SORCS1: variants seen among roughly 807,000 people sequenced by gnomAD.
SORCS1 encodes the protein sortilin related VPS10 domain containing receptor 1.
In SORCS1, 60 loss-of-function variants were observed where a neutral mutation model predicts 146.1. The observed-to-expected ratio is 0.41, with a 90% confidence interval of 0.33 to 0.51. The LOEUF (loss-of-function observed/expected upper bound fraction) is 0.51. SORCS1 is among the 20% of genes least tolerant of loss of function. The probability of loss-of-function intolerance (pLI) is 0.21; values close to 1 mark genes in which losing one functional copy is unlikely to be tolerated. For synonymous variants in SORCS1, 637 were observed against 584.0 expected, an observed-to-expected ratio of 1.09 and a Z score of -1.31; for missense variants, 1,352 against 1,487.6, an observed-to-expected ratio of 0.91 and a Z score of 1.50.
Position 106,976,069 on chromosome 10 carries a change from C to G in SORCS1, c.559-19489G>C, listed in dbSNP as rs184126979. 4.3e-3 allele frequency among the ~76,000 whole-genome samples: 656 copies of G among 150,818 alleles called. 6 individuals are homozygous for G. The highest frequency in any genetic ancestry group is 0.015 in the African/African-American group (630 of 41,058). ...GCTGAGGCAGAAGAATTGCTTGAAC[C>G]CGGGAGGCAGAGGTTTCAGTGAGCC... is the stretch of plus-strand genomic sequence containing the variant. On this transcript the variant is annotated intron_variant, in intron 1 of 25. Transcript: ENST00000263054.
intron 24 of SORCS1, among the ~76,000 whole-genome samples, chr10:106,590,943 G>A (rs1845566975): frequency 6.6e-6 from 1 of 152,164 alleles, no homozygotes; most frequent in South Asian, 2.1e-4. Flanking sequence ...GCATGAGCCA[G>A]TGCACCCAGC....
chr10:107,168,528 T>C (rs1970098370), upstream of SORCS1, among the ~76,000 whole-genome samples: 1 of 152,214 alleles, frequency 6.6e-6, no homozygotes, highest in Non-Finnish European at 1.5e-5. Context: ...AAGTGCTCAA[T>C]AAATAATGGC....
chr10:106,815,807 A>C (rs769209750), intron 3 of SORCS1, among the ~76,000 whole-genome samples: 4 of 152,170 alleles, frequency 2.6e-5, no homozygotes, highest in Non-Finnish European at 4.4e-5. Flanking sequence ...CAGATCAAAT[A>C]ATTAATTGCA....
chr10:107,099,613 G>T (rs909742697), intron 1 of SORCS1, among the ~76,000 whole-genome samples: 2 of 152,114 alleles, frequency 1.3e-5, no homozygotes, highest in Non-Finnish European at 2.9e-5. Flanking sequence ...AACAAAGCAG[G>T]TATTCCATCA....
intron 3 of SORCS1, among the ~76,000 whole-genome samples, chr10:106,797,275 A>G (rs957900543): frequency 2.6e-5 from 4 of 152,184 alleles, no homozygotes; most frequent in African/African-American, 7.2e-5. Flanking sequence ...AAGTGTTTCA[A>G]AAACCTCTGA....
chr10:106,674,328 CAAAAAAAAAAAAAAA>C lies in SORCS1; in HGVS notation c.1940+706_1940+720del, dbSNP rs10658432. Among the ~76,000 whole-genome samples, 6 of 27,376 alleles carry C rather than the reference CAAAAAAAAAAAAAAA, an allele frequency of 2.2e-4. 1 individual carries two copies. The Admixed American group carries it at 4.5e-3, about 20-fold the overall frequency. 18.0% of individuals were successfully genotyped at this position (27,376 alleles called of 152,430 possible). On this transcript the variant is annotated intron_variant, in intron 14 of 25. Transcript: ENST00000263054. The stretch of plus-strand genomic sequence containing the variant: ...TGGGCGACAGAGTAAGACTCCGTCT[CAAAAAAAAAAAAAAA>C]AAAAAAAAAAAAAAGTAGTAGTGGT...
chr10:107,024,590 C>T (rs974303727), intron 1 of SORCS1, among the ~76,000 whole-genome samples: 1 of 152,202 alleles, frequency 6.6e-6, no homozygotes, highest in African/African-American at 2.4e-5. Context: ...CAGGAATCTA[C>T]ATTTTTAATA....
Position 106,577,194 on chromosome 10 carries a change from TTTTG to T in SORCS1, c.*222_*225del, listed in dbSNP as rs1333871585. 1 of 1,512,252 alleles carries T rather than the reference TTTTG, an allele frequency of 6.6e-7. No individual in the cohort carries two copies. Among genetic ancestry groups the T allele is most frequent in the Non-Finnish European group, 8.9e-7 (1 of 1,122,490 alleles). The allele number at this position is 1,512,252 out of a possible 1,614,324, so 93.7% of individuals were successfully genotyped here. On this transcript the variant is annotated 3_prime_UTR_variant, in exon 26 of 26. Coordinates refer to ENST00000263054, the MANE Select transcript of SORCS1 (RefSeq NM_052918.5). Reference sequence around the variant, plus strand: ...ATTTTATGTTTTGTTTTGTTTTTGTTTTTGTTTTTTTACTGGCGTCCTCCATTCA... The same window carrying T: ...ATTTTATGTTTTGTTTTGTTTTTGTTTTTTTTTACTGGCGTCCTCCATTCA...
intron 18 of SORCS1, among the ~76,000 whole-genome samples, chr10:106,642,808 C>T (rs1161976628): frequency 6.6e-6 from 1 of 152,158 alleles, no homozygotes; most frequent in East Asian, 1.9e-4. Context: ...GAGGATTTCG[C>T]ATCTCTCTTT....
At chr10:106,865,386 C>G (rs1950191026) in intron 2 of SORCS1, among the ~76,000 whole-genome samples, 1 of 152,196 alleles carries the variant, frequency 6.6e-6, no homozygotes, top group Non-Finnish European at 1.5e-5. Context: ...TGACTAGGAA[C>G]TGGAGCGGAC....
chr10:106,776,323 A>G (rs990651110), intron 4 of SORCS1, among the ~76,000 whole-genome samples: 1 of 152,118 alleles, frequency 6.6e-6, no homozygotes, highest in African/African-American at 2.4e-5. Context: ...AGTACACCTA[A>G]TCTTTATTTG....
At chr10:107,113,410 C>T (rs2134470857) in intron 1 of SORCS1, among the ~76,000 whole-genome samples, 1 of 152,168 alleles carries the variant, frequency 6.6e-6, no homozygotes, top group East Asian at 1.9e-4. Context: ...AGAAAAAGGC[C>T]AGGCGCGGTG....
chr10:106,639,080 TAG>T (rs1299562566), intron 18 of SORCS1, among the ~76,000 whole-genome samples: 1 of 152,152 alleles, frequency 6.6e-6, no homozygotes. Context: ...CTGTCATAGG[TAG>T]AGACTTACCA....
At chr10:106,891,244 G>A (rs1302200696) in intron 2 of SORCS1, among the ~76,000 whole-genome samples, 5 of 152,118 alleles carry the variant, frequency 3.3e-5, no homozygotes, top group Admixed American at 2.0e-4. Context: ...TGGTCTGGAG[G>A]GGATAGGAAG....
chr10:106,641,430 T>C (rs1470338873), intron 18 of SORCS1, among the ~76,000 whole-genome samples: 1 of 152,188 alleles, frequency 6.6e-6, no homozygotes, highest in Non-Finnish European at 1.5e-5. Context: ...TGCTCCTCTT[T>C]GCTACGGTTT....
intron 1 of SORCS1, among the ~76,000 whole-genome samples, chr10:107,121,107 T>G (rs1353557667): frequency 6.6e-6 from 1 of 152,174 alleles, no homozygotes; most frequent in Non-Finnish European, 1.5e-5. Context: ...TGCAACTTAG[T>G]GTCTATAATC....
intron 5 of SORCS1, among the ~76,000 whole-genome samples, chr10:106,757,234 T>C (rs1370356367): frequency 6.6e-6 from 1 of 152,192 alleles, no homozygotes; most frequent in Admixed American, 6.5e-5. Flanking sequence ...TGTTAGGTGA[T>C]GAGGAAAAAA....
intron 5 of SORCS1, among the ~76,000 whole-genome samples, chr10:106,750,595 G>A (rs1237161643): frequency 6.7e-6 from 1 of 149,824 alleles, no homozygotes; most frequent in Non-Finnish European, 1.5e-5. Flanking sequence ...CAGGCTTGGT[G>A]GCGGATGCCT....
At chr10:106,758,991 T>C (rs1046221135) in intron 5 of SORCS1, among the ~76,000 whole-genome samples, 14 of 152,334 alleles carry the variant, frequency 9.2e-5, no homozygotes, top group African/African-American at 3.4e-4. Context: ...TCTGAGCCAG[T>C]TTGTTTGCAA....
Sources: gnomAD v4.1 joint callset for allele counts (sites outside exome capture counted in the v4.1 genomes callset) on GRCh38, gnomAD v4.1.1 for gene constraint, MANE v1.5 for transcripts, NCBI Gene and HGNC (gene_info 2026-07-23, HGNC 2026-07-21) for gene names.